Variants in ANKRD36C observed in about 807,000 individuals in gnomAD.
ANKRD36C encodes the protein ankyrin repeat domain-containing protein 36C.
ANKRD36C carries 61 observed loss-of-function variants against 276.4 expected under a neutral mutation model. That is an observed-to-expected ratio of 0.22 (90% CI 0.18 to 0.27). ANKRD36C has a LOEUF of 0.27. Among genes scored for constraint, ANKRD36C ranks in the 10% least tolerant of loss-of-function variants. The pLI, the probability that ANKRD36C is intolerant of heterozygous loss-of-function variation, is 1.00. For missense variants in ANKRD36C, 1,447 were observed against 2,032.3 expected, an observed-to-expected ratio of 0.71 and a Z score of 5.54; for synonymous variants, 483 against 680.1, an observed-to-expected ratio of 0.71 and a Z score of 4.51.
chr2:95,857,212 A>T, intron 62 of ANKRD36C, 97 bp downstream of exon 82: 8 of 1,371,852 alleles, frequency 5.8e-6, no homozygotes, highest in Non-Finnish European at 7.6e-6. Flanking sequence ...AAATTTGGGG[A>T]TTGTTCAGGC....
At position 95,914,072 on chromosome 2, in the gene ANKRD36C, G is replaced by A. The variant is rs778570702; in HGVS notation, c.2551+36C>T. ...GGGAAGAGAATTTCTTATCTATCTC[G>A]ACTGATCATGACATTAAATCTCTTT... On this transcript the variant is annotated intron_variant, in intron 40 of 66. Transcript: ENST00000456556. 16 of 1,522,926 alleles carry A rather than the reference G, an allele frequency of 1.1e-5. No homozygotes were observed. In the Admixed American group the frequency reaches 1.2e-4, roughly 11 times the overall value. The allele number at this position is 1,522,926 out of a possible 1,614,324, so 94.3% of individuals were successfully genotyped here.
Position 95,960,402 on chromosome 2 carries a change from A to T in ANKRD36C, c.1003+71T>A, listed in dbSNP as rs753645947. ...TGCAGCTTCAATGAGCCCCCTGCTG[A>T]TTTATTCGGGGAAGGGAAGTTCTCC... On this transcript the variant is annotated intron_variant, in intron 10 of 66. Coordinates refer to ENST00000456556, the Ensembl canonical transcript of ANKRD36C. The T allele has an allele frequency of 5.9e-6, 9 of 1,525,572 alleles. No individual in the cohort carries two copies. In the Admixed American group the frequency reaches 5.9e-5, roughly 10 times the overall value. The allele number at this position is 1,525,572 out of a possible 1,614,324, so 94.5% of individuals were successfully genotyped here.
intron 16 of ANKRD36C, among the ~76,000 whole-genome samples, chr2:95,949,664 T>G (rs1573795214): frequency 6.6e-6 from 1 of 152,214 alleles, no homozygotes; most frequent in Admixed American, 6.5e-5. Flanking sequence ...CGTTTTGAAC[T>G]AAGAAACCTG....
At chr2:95,917,408 T>C (rs1050923918) in intron 36 of ANKRD36C, among the ~76,000 whole-genome samples, 2 of 151,616 alleles carry the variant, frequency 1.3e-5, no homozygotes, top group Non-Finnish European at 3.0e-5. Context: ...AAATAATTGC[T>C]ACATCAGGGG....
intron 65 of ANKRD36C, 84 bp downstream of exon 85, chr2:95,852,042 T>C (rs1675304923): frequency 7.1e-7 from 1 of 1,404,952 alleles, no homozygotes; most frequent in South Asian, 1.2e-5. Flanking sequence ...ATACTAATTA[T>C]CATAACTGAT....
intron 3 of ANKRD36C, 170 bp downstream of exon 3, chr2:95,986,581 T>C: frequency 1.1e-6 from 1 of 945,842 alleles, no homozygotes; most frequent in Non-Finnish European, 1.5e-6. Flanking sequence ...ATAATGCTTC[T>C]TTAAAAGTTC....
At chr2:95,962,209 C>A (rs938938219) in intron 8 of ANKRD36C, 143 bp downstream of exon 8, 18 of 1,029,008 alleles carry the variant, frequency 1.7e-5, no homozygotes, top group Non-Finnish European at 2.4e-5. Flanking sequence ...TCGGCGTCAC[C>A]CAAGAACTTA....
chr2:95,921,632 T>C (rs1677271642), exon 34 of ANKRD36C: 2 of 1,609,298 alleles, frequency 1.2e-6, no homozygotes, highest in African/African-American at 1.3e-5. Flanking sequence ...CTCCATCCTT[T>C]ATTTCTGTGG....
intron 22 of ANKRD36C, among the ~76,000 whole-genome samples, chr2:95,938,479 C>T (rs1677779280): frequency 6.6e-6 from 1 of 152,078 alleles, no homozygotes; most frequent in Admixed American, 6.5e-5. Flanking sequence ...GCAGGTATAG[C>T]TTTTCTCTAG....
At chr2:95,972,578 T>C (rs1336956903) in intron 6 of ANKRD36C, among the ~76,000 whole-genome samples, 14 of 152,194 alleles carry the variant, frequency 9.2e-5, no homozygotes, top group Non-Finnish European at 1.6e-4. Context: ...TGAGTCCTTC[T>C]AAGTGAATCG....
At chr2:95,973,934 T>A (rs1386687020) in intron 6 of ANKRD36C, among the ~76,000 whole-genome samples, 4 of 151,744 alleles carry the variant, frequency 2.6e-5, no homozygotes, top group African/African-American at 9.7e-5. Flanking sequence ...TGTAGCAGTA[T>A]CAGCGACTTA....
At chr2:95,908,202 G>A (rs896820151) in intron 42 of ANKRD36C, among the ~76,000 whole-genome samples, 1 of 148,756 alleles carries the variant, frequency 6.7e-6, no homozygotes, top group African/African-American at 2.4e-5. Context: ...CACCCTTACT[G>A]AAAACAAGCT....
At chr2:95,895,698 G>C in intron 44 of ANKRD36C, 108 bp from the exon 61 acceptor site, 1 of 1,530,742 alleles carries the variant, frequency 6.5e-7, no homozygotes, top group Non-Finnish European at 8.8e-7. Context: ...TGTATTAGTG[G>C]AGGCTTTCAT....
chr2:95,982,504 T>C, intron 3 of ANKRD36C, 142 bp from the exon 4 acceptor site: 2 of 682,494 alleles, frequency 2.9e-6, no homozygotes, highest in South Asian at 4.5e-5. Flanking sequence ...CCCTCCTCGG[T>C]GCTTTTCTAT....
chr2:95,919,843 T>A (rs1182812685), intron 34 of ANKRD36C, 38 bp from the exon 36 acceptor site: 12 of 1,525,072 alleles, frequency 7.9e-6, no homozygotes, highest in Non-Finnish European at 1.1e-5. Flanking sequence ...AATAAATAAA[T>A]CAATGAAGTA....
At chr2:95,971,429 G>A (rs1274501463) in intron 6 of ANKRD36C, among the ~76,000 whole-genome samples, 21 of 151,862 alleles carry the variant, frequency 1.4e-4, no homozygotes, top group African/African-American at 2.7e-4. Context: ...GGGGGATGGC[G>A]TATATCAAAA....
intron 61 of ANKRD36C, among the ~76,000 whole-genome samples, chr2:95,859,074 A>G (rs1471588291): frequency 6.6e-6 from 1 of 151,266 alleles, no homozygotes; most frequent in Non-Finnish European, 1.5e-5. Flanking sequence ...TCCTACTATC[A>G]CTGGGCTGGA....
chr2:95,918,158 G>A, intron 34 of ANKRD36C, 116 bp from the exon 37 acceptor site: 1 of 1,453,764 alleles, frequency 6.9e-7, no homozygotes, highest in South Asian at 1.2e-5. Context: ...TGTAGGCTCT[G>A]ATGTCTTCTA....
intron 26 of ANKRD36C, among the ~76,000 whole-genome samples, chr2:95,928,634 T>C (rs1344394171): frequency 6.6e-6 from 1 of 151,592 alleles, no homozygotes; most frequent in Non-Finnish European, 1.5e-5. Context: ...AAATAATTGC[T>C]ACATCAGTGG....
Sources: allele counts gnomAD v4.1 joint callset (sites outside exome capture counted in the v4.1 genomes callset), GRCh38; gene constraint gnomAD v4.1.1; transcripts MANE v1.5; gene names NCBI Gene and HGNC (gene_info 2026-07-23, HGNC 2026-07-21).